SLC16A6: variants seen among roughly 807,000 people sequenced by gnomAD.
The protein encoded by SLC16A6 is monocarboxylate transporter 7.
SLC16A6 carries 15 observed loss-of-function variants against 33.8 expected under a neutral mutation model. The ratio of observed to expected loss-of-function variants is 0.44; its 90% CI spans 0.30 to 0.68. The LOEUF (loss-of-function observed/expected upper bound fraction) is 0.68. Ranked by LOEUF, SLC16A6 falls within the 30% of genes least tolerant of loss-of-function variation. SLC16A6 has a pLI of 0.10. For synonymous variants in SLC16A6, 219 were observed against 248.4 expected, an observed-to-expected ratio of 0.88 and a Z score of 1.11; for missense variants, 451 against 661.5, an observed-to-expected ratio of 0.68 and a Z score of 3.49.
At chr17:68,283,793 A>T (rs782372193) in intron 1 of SLC16A6, among the ~76,000 whole-genome samples, 1 of 148,232 alleles carries the variant, frequency 6.7e-6, no homozygotes, top group Non-Finnish European at 1.5e-5. Context: ...CAGGAGAATC[A>T]CTTGAACCTG....
chr17:68,271,552 A>G lies in SLC16A6; in HGVS notation c.608T>C (p.Ile203Thr), dbSNP rs1555748788. Residue 203 changes from isoleucine to threonine, a missense_variant, in exon 5 of 6, where the codon ATC becomes ACC. Coordinates refer to ENST00000580666, the MANE Select transcript of SLC16A6 (RefSeq NM_004694.5). The surrounding 1 kb of genome is among the most constrained non-coding windows in gnomAD (Gnocchi z 5.3). ...CGGTGACGCTGGTCCTCTGATAAAG[A>G]TGGGTCTGAGCAGTGCTCCGAAGAT... Reference protein sequence around the residue: ...IVIFGALLRPIFIRGPASPKI... With the variant: ...IVIFGALLRPTFIRGPASPKI... 2 of 1,614,214 alleles carry G rather than the reference A, an allele frequency of 1.2e-6. No individual in the cohort carries two copies. The highest frequency in any genetic ancestry group is 1.7e-6 in the Non-Finnish European group (2 of 1,180,032).
Position 68,271,133 on chromosome 17 carries a change from C to G in SLC16A6, c.1027G>C (p.Gly343Arg). The G allele has an allele frequency of 3.7e-6, 6 of 1,614,148 alleles. No homozygotes were observed. The highest frequency in any genetic ancestry group is 4.2e-6 in the Non-Finnish European group (5 of 1,180,036). Residue 343 changes from glycine (G) to arginine (R), a missense_variant, in exon 5 of 6, where the codon GGA becomes CGA. Coordinates refer to ENST00000580666, the MANE Select transcript of SLC16A6 (RefSeq NM_004694.5). The surrounding 1 kb of genome is among the most constrained non-coding windows in gnomAD (Gnocchi z 5.3). ...LSTMAIAEVF[G>R]RIGAGFVLNR... ...AGGACAAAACCAGCTCCGATCCTTC[C>G]GAAAACTTCTGCAATGGCCATCGTA... is the stretch of plus-strand genomic sequence containing the variant.
At position 68,272,756 on chromosome 17, in the gene SLC16A6, A is replaced by G; in HGVS notation, c.388T>C (p.Cys130Arg). 4 of 1,614,048 alleles carry G rather than the reference A, an allele frequency of 2.5e-6. No homozygotes were observed. The highest frequency in any genetic ancestry group is 3.4e-6 in the Non-Finnish European group (4 of 1,179,934). ...GTTACAGTTGGGAGAAAACTAAAGC[A>G]GTATCCCAGACCTGTGAAAGAAAAG... ...AIGIISGLGY[C>R]FSFLPTVTIL... The change falls in exon 4 of 6, where the codon TGC becomes CGC. Residue 130 changes from cysteine (C) to arginine (R), a missense_variant. This residue lies in a region of SLC16A6 where 405 missense variants were observed against 510.7 expected (regional missense o/e 0.79). Coordinates refer to ENST00000580666, the MANE Select transcript of SLC16A6 (RefSeq NM_004694.5).
In SLC16A6 at chr17:68,272,777, A is replaced by G. The variant is rs782144540; in HGVS notation, c.377-10T>C. The G allele has an allele frequency of 1.2e-6, 2 of 1,613,548 alleles. No individual in the cohort carries two copies. The highest frequency in any genetic ancestry group is 3.3e-5 in the Admixed American group (2 of 60,006). ...AAGCAGTATCCCAGACCTGTGAAAG[A>G]AAAGTCAAAAAAGCCAATGAGACCC... On this transcript the variant is annotated splice_polypyrimidine_tract_variant and intron_variant, in intron 3 of 5. Transcript: ENST00000580666.
At position 68,271,172 on chromosome 17, in the gene SLC16A6, C is replaced by T; in HGVS notation, c.988G>A (p.Ala330Thr). The change falls in exon 5 of 6, where the codon GCT (alanine) becomes ACT (threonine). Residue 330 changes from alanine to threonine, a missense_variant. Physicochemically the swap from Ala to Thr is moderately conservative, Grantham distance 58 (BLOSUM62 0). Around this residue, in one of 2 missense-constraint regions of SLC16A6, gnomAD observed 405 missense variants for 510.7 expected, o/e 0.79. Transcript: ENST00000580666. The surrounding 1 kb of genome is among the most constrained non-coding windows in gnomAD (Gnocchi z 5.3). ...ISLGIDQDRA[A>T]FLLSTMAIAE... ...ATGGCCATCGTAGATAATAAAAAAGCAGCGCGGTCCTGGTCAATGCCCAGA... is the reference window on the plus strand; with the variant it reads ...ATGGCCATCGTAGATAATAAAAAAGTAGCGCGGTCCTGGTCAATGCCCAGA... The T allele has an allele frequency of 6.2e-7, 1 of 1,614,050 alleles. No homozygotes were observed.
In SLC16A6 at chr17:68,272,691, G is replaced by A. The variant is rs1455977856; in HGVS notation, c.453C>T (p.Val151=). 1.2e-6 allele frequency: 2 copies of A among 1,614,052 alleles called. No individual in the cohort carries two copies. The highest frequency in any genetic ancestry group is 1.3e-5 in the African/African-American group (1 of 74,934). Reference sequence around the variant, plus strand: ...ATTCTCCTGTGGAAGCAACTGCAGTGACTATGGAACGTCTTTTGCCAAAAT... The same window carrying A: ...ATTCTCCTGTGGAAGCAACTGCAGTAACTATGGAACGTCTTTTGCCAAAAT... ...SQYFGKRRSI[V]TAVASTGECF... is the part of the protein sequence containing the mutation. The change falls in exon 4 of 6, where the codon GTC becomes GTT. Residue 151 remains valine (V), a synonymous_variant. Transcript: ENST00000580666.
At chr17:68,286,936 T>C (rs1417870869) in intron 1 of SLC16A6, among the ~76,000 whole-genome samples, 2 of 152,240 alleles carry the variant, frequency 1.3e-5, no homozygotes, top group Admixed American at 6.5e-5. Context: ...AGCTAGCTGG[T>C]CATTGCTTAG....
intron 1 of SLC16A6, among the ~76,000 whole-genome samples, chr17:68,289,191 T>A (rs566478189): frequency 1.3e-5 from 2 of 151,862 alleles, no homozygotes; most frequent in African/African-American, 2.4e-5. Context: ...ACAAAAAAAT[T>A]AAAAAATGAG....
chr17:68,281,523 C>G (rs568741126), intron 1 of SLC16A6, among the ~76,000 whole-genome samples: 3 of 151,932 alleles, frequency 2.0e-5, no homozygotes, highest in Non-Finnish European at 4.4e-5. Context: ...TGCAGTGAGC[C>G]GAGATCGTGC....
At position 68,278,135 on chromosome 17, in the gene SLC16A6, C is replaced by T; in HGVS notation, c.186G>A (p.Arg62=). The T allele has an allele frequency of 1.2e-6, 2 of 1,614,084 alleles. No individual in the cohort carries two copies. Among genetic ancestry groups the T allele is most frequent in the Non-Finnish European group, 1.7e-6 (2 of 1,179,976 alleles). ...CACAGATTGAGATTATCCATGAGAT[C>T]CTGCTATTGGATTCATTAAAACTGT... ...LMDSFNESNS[R]ISWIISICVF... The change falls in exon 2 of 6, where the codon AGG becomes AGA. Residue 62 remains arginine, a synonymous_variant. Coordinates refer to ENST00000580666, the MANE Select transcript of SLC16A6 (RefSeq NM_004694.5).
At chr17:68,273,755 G>T in intron 3 of SLC16A6, 172 bp downstream of exon 3, 2 of 620,520 alleles carry the variant, frequency 3.2e-6, no homozygotes, top group Non-Finnish European at 5.2e-6. Context: ...AGATTCCCAG[G>T]TCCCCTGAAG....
At position 68,272,634 on chromosome 17, in the gene SLC16A6, C is replaced by G; in HGVS notation, c.505+5G>C. On this transcript the variant is annotated splice_donor_5th_base_variant and intron_variant, in intron 4 of 5. Transcript: ENST00000580666. Reference sequence around the variant, plus strand: ...TTCATACTTAGGCTGTTGTAGTCCACCTACCTGGTGCGAAAGCAAACACAG... The same window carrying G: ...TTCATACTTAGGCTGTTGTAGTCCAGCTACCTGGTGCGAAAGCAAACACAG... The G allele has an allele frequency of 6.2e-7, 1 of 1,613,746 alleles. No homozygotes were observed. Among genetic ancestry groups the G allele is most frequent in the Non-Finnish European group, 8.5e-7 (1 of 1,179,690 alleles).
At chr17:68,286,148 G>T (rs1555754294) in intron 1 of SLC16A6, among the ~76,000 whole-genome samples, 1 of 152,164 alleles carries the variant, frequency 6.6e-6, no homozygotes, top group Non-Finnish European at 1.5e-5. Flanking sequence ...TGCAGTTTTT[G>T]TATGAGCTGA....
intron 1 of SLC16A6, among the ~76,000 whole-genome samples, chr17:68,282,108 C>T (rs1417826168): frequency 4.6e-5 from 7 of 152,140 alleles, no homozygotes; most frequent in African/African-American, 1.7e-4. Context: ...ATCCAAATGT[C>T]CATCAATGAT....
intron 3 of SLC16A6, 125 bp downstream of exon 3, chr17:68,273,802 A>T: frequency 8.6e-7 from 1 of 1,158,062 alleles, no homozygotes; most frequent in Non-Finnish European, 1.2e-6. Context: ...GATCTGAGAC[A>T]CTGTTAATGT....
intron 3 of SLC16A6, 122 bp downstream of exon 3, chr17:68,273,805 G>T: frequency 8.2e-7 from 1 of 1,212,622 alleles, no homozygotes; most frequent in Non-Finnish European, 1.2e-6. Context: ...CTGAGACACT[G>T]TTAATGTTAA....
At chr17:68,280,971 G>A (rs1262182181) in intron 1 of SLC16A6, among the ~76,000 whole-genome samples, 2 of 151,696 alleles carry the variant, frequency 1.3e-5, no homozygotes, top group East Asian at 1.9e-4. Flanking sequence ...CTGAAAATAC[G>A]AAAAATTAAC....
rs115855439 is a variant in SLC16A6, at chr17:68,274,529, A to G, written c.233-459T>C. On this transcript the variant is annotated intron_variant, in intron 2 of 5. Coordinates refer to ENST00000580666, the MANE Select transcript of SLC16A6 (RefSeq NM_004694.5). The stretch of plus-strand genomic sequence containing the variant: ...AAGTCAGTGCAGGAATTATTTTACT[A>G]TTTGTTCAAATTCAACACGATTTGT... 3.3e-3 allele frequency: 500 copies of G among 152,912 alleles called. 6 individuals carry two copies. Among genetic ancestry groups the G allele is most frequent in the Middle Eastern group, 0.017 (5 of 294 alleles). The allele number at this position is 152,912 out of a possible 1,614,324, so 9.5% of individuals were successfully genotyped here.
In SLC16A6 at chr17:68,268,330, T is replaced by C. The variant is rs1555747062; in HGVS notation, c.*766A>G. The stretch of plus-strand genomic sequence containing the variant: ...ATAACTAAAAGCAACAGGAAACACA[T>C]TTTTAAATGCCATTTTGTATATTCT... On this transcript the variant is annotated 3_prime_UTR_variant, in exon 6 of 6. Transcript: ENST00000580666. 1 of 152,500 alleles carries C rather than the reference T, an allele frequency of 6.6e-6. No homozygotes were observed. The allele number at this position is 152,500 out of a possible 1,614,324, so 9.4% of individuals were successfully genotyped here. A position where few individuals can be genotyped will look rare whatever the true frequency, so the allele number is the denominator to read the frequency against.
Sources: gnomAD v4.1 joint callset for allele counts (sites outside exome capture counted in the v4.1 genomes callset) on GRCh38, gnomAD v4.1.1 for gene constraint, gnomAD v4.1.1 regional missense constraint, Gnocchi (gnomAD v3.1) non-coding constraint, MANE v1.5 for transcripts, NCBI Gene and HGNC (gene_info 2026-07-23, HGNC 2026-07-21) for gene names.